The following OTOG variants were observed in gnomAD, a reference collection of about 807,000 sequenced individuals.
OTOG encodes the protein otogelin.
Under a neutral mutation model 313.8 loss-of-function variants are expected in OTOG, and 296 were observed. That is an observed-to-expected ratio of 0.94 (90% CI 0.86 to 1.04). The LOEUF (loss-of-function observed/expected upper bound fraction) is 1.04, where lower values mean the gene tolerates loss of function less well. Among genes scored for constraint, OTOG ranks in the 50% least tolerant of loss-of-function variants. The probability of loss-of-function intolerance (pLI) is 0.00; values close to 1 mark genes in which losing one functional copy is unlikely to be tolerated. For synonymous variants in OTOG, 1,533 were observed against 1,554.9 expected, an observed-to-expected ratio of 0.99 and a Z score of 0.33; for missense variants, 3,948 against 3,840.1, an observed-to-expected ratio of 1.03 and a Z score of -0.74.
At chr11:17,582,582 T>C (rs1163465445) in intron 23 of OTOG, among the ~76,000 whole-genome samples, 1 of 152,230 alleles carries the variant, frequency 6.6e-6, no homozygotes, top group Non-Finnish European at 1.5e-5. Flanking sequence ...ATTTTACACG[T>C]CCAGTATATG....
At position 17,591,698 on chromosome 11, in the gene OTOG, C is replaced by T. The variant is rs531950138; in HGVS notation, c.3006+110C>T. On this transcript the variant is annotated intron_variant, in intron 25 of 55. Coordinates refer to ENST00000399397, the MANE Select transcript of OTOG (RefSeq NM_001292063.2). ...AATTGGGTGATCGGGGATCTAAGCC[C>T]TGAGGTGGGGCTATCTAGAGACTGG... 13 of 1,369,954 alleles carry T rather than the reference C, an allele frequency of 9.5e-6. No individual in the cohort carries two copies. In the Admixed American group the frequency reaches 2.5e-4, roughly 26 times the overall value. The allele number at this position is 1,369,954 out of a possible 1,614,324, so 84.9% of individuals were successfully genotyped here.
intron 32 of OTOG, among the ~76,000 whole-genome samples, chr11:17,605,307 T>C (rs1853354671): frequency 1.3e-5 from 2 of 152,194 alleles, no homozygotes; most frequent in African/African-American, 4.8e-5. Context: ...CCTTTCTCTC[T>C]CTCTCTGGGA....
At chr11:17,613,746 G>T in intron 39 of OTOG, 45 bp downstream of exon 39, 1 of 1,507,960 alleles carries the variant, frequency 6.6e-7, no homozygotes, top group Non-Finnish European at 9.0e-7. Context: ...GCCACAGTCA[G>T]CTGAGGGACA....
In OTOG at chr11:17,634,959, C is replaced by T. The variant is rs369343034; in HGVS notation, c.7585+11C>T. 2.7e-4 allele frequency: 129 copies of T among 483,324 alleles called. No individual in the cohort carries two copies. In the East Asian group the frequency reaches 5.7e-3, roughly 21 times the overall value. 29.9% of individuals were successfully genotyped at this position (483,324 alleles called of 1,614,324 possible). A position where few individuals can be genotyped will look rare whatever the true frequency, so the allele number is the denominator to read the frequency against. ...CCAGCTACAGCTGTGGTGAGAGGCCCGGGGTGGGGAGGGTGGGGGACGGAC... is the reference window on the plus strand; with the variant it reads ...CCAGCTACAGCTGTGGTGAGAGGCCTGGGGTGGGGAGGGTGGGGGACGGAC... On this transcript the variant is annotated intron_variant, in intron 45 of 55. Transcript: ENST00000399397.
Position 17,559,626 on chromosome 11 carries a change from G to A in OTOG, c.1306G>A (p.Glu436Lys), listed in dbSNP as rs1852135025. The stretch of plus-strand genomic sequence containing the variant: ...TCCCCGGGCATCCTGTGTGGACAGT[G>A]AGATCGCCTGTGTGGACGGCTGCTA... Reference protein sequence around the residue: ...CHPRASCVDSEIACVDGCYCP... With the variant: ...CHPRASCVDSKIACVDGCYCP... Residue 436 changes from glutamate to lysine, a missense_variant, in exon 12 of 56, where the codon GAG (glutamate) becomes AAG (lysine). Transcript: ENST00000399397. 6.4e-7 allele frequency: 1 copy of A among 1,550,790 alleles called. No individual in the cohort carries two copies. Among genetic ancestry groups the A allele is most frequent in the Admixed American group, 2.0e-5 (1 of 50,988 alleles).
intron 3 of OTOG, among the ~76,000 whole-genome samples, chr11:17,550,173 G>A (rs966437375): frequency 6.6e-6 from 1 of 152,212 alleles, no homozygotes; most frequent in East Asian, 1.9e-4. Context: ...AGACATGACA[G>A]ATATTTTCCT....
At chr11:17,594,746 A>G (rs1853049647) in intron 28 of OTOG, among the ~76,000 whole-genome samples, 1 of 152,176 alleles carries the variant, frequency 6.6e-6, no homozygotes, top group Non-Finnish European at 1.5e-5. Flanking sequence ...CTGAGTTGAG[A>G]GCAGTAGACC....
At chr11:17,558,944 G>A (rs1852115710) in intron 10 of OTOG, 108 bp from the exon 11 acceptor site, 3 of 906,796 alleles carry the variant, frequency 3.3e-6, no homozygotes, top group African/African-American at 1.6e-5. Flanking sequence ...TTTCCCAGCT[G>A]GGTGGAGAGG....
chr11:17,645,593 G>GTGACCATCCGCA lies in OTOG; in HGVS notation c.8504_8515dup (p.Met2835_Arg2838dup). The GTGACCATCCGCA allele has an allele frequency of 1.3e-6, 2 of 1,550,660 alleles. No individual in the cohort carries two copies. Among genetic ancestry groups the GTGACCATCCGCA allele is most frequent in the Non-Finnish European group, 1.7e-6 (2 of 1,147,008 alleles). ...GGAGGATGGGCGCTCCTGCAAGAAG[G>GTGACCATCCGCA]TGACCATCCGCATGACCATCCGCAA... On this transcript the variant is annotated inframe_insertion, in exon 55 of 56. Coordinates refer to ENST00000399397, the MANE Select transcript of OTOG (RefSeq NM_001292063.2).
At chr11:17,559,831 G>GA (rs1184485238) in intron 12 of OTOG, among the ~76,000 whole-genome samples, 169 bp downstream of exon 12, 3 of 148,586 alleles carry the variant, frequency 2.0e-5, no homozygotes, top group African/African-American at 7.5e-5. Context: ...AAGAAGGAAG[G>GA]AGGAAGGAAA....
chr11:17,614,357 A>G (rs1014118756), intron 39 of OTOG, among the ~76,000 whole-genome samples: 1 of 152,200 alleles, frequency 6.6e-6, no homozygotes, highest in Non-Finnish European at 1.5e-5. Context: ...GGGGTTTCGG[A>G]CAGTAGGTTT....
At chr11:17,630,132 C>T (rs1339563838) in intron 40 of OTOG, among the ~76,000 whole-genome samples, 1 of 152,146 alleles carries the variant, frequency 6.6e-6, no homozygotes, top group African/African-American at 2.4e-5. Context: ...TTCCTTTGTG[C>T]AACACATATT....
At chr11:17,600,893 T>A (rs1019998841) in intron 31 of OTOG, among the ~76,000 whole-genome samples, 6 of 148,936 alleles carry the variant, frequency 4.0e-5, no homozygotes, top group Admixed American at 3.3e-4. Flanking sequence ...TCCGTTCTAC[T>A]AGCATTTGCT....
intron 3 of OTOG, among the ~76,000 whole-genome samples, chr11:17,550,839 A>G (rs557530886): frequency 1.3e-5 from 2 of 152,372 alleles, no homozygotes; most frequent in African/African-American, 4.8e-5. Flanking sequence ...GGGCCAAAGT[A>G]GGTGAGGACA....
At chr11:17,642,972 G>C (rs2133723924) in intron 53 of OTOG, among the ~76,000 whole-genome samples, 1 of 152,264 alleles carries the variant, frequency 6.6e-6, no homozygotes, top group Non-Finnish European at 1.5e-5. Flanking sequence ...ACAAAGAACT[G>C]TCCCATCCAT....
rs150344017 is a variant in OTOG, at chr11:17,643,639, G to A, written c.8461+133G>A. ...GCTCTTCTGGGCTGAGTAGATGAAG[G>A]GATAACACCCACACCACAGGGCTCA... On this transcript the variant is annotated intron_variant, in intron 54 of 55. Transcript: ENST00000399397. 4.4e-4 allele frequency: 250 copies of A among 566,014 alleles called. 3 individuals are homozygous for A. The African/African-American group carries it at 4.5e-3, about 10-fold the overall frequency. 35.1% of individuals were successfully genotyped at this position (566,014 alleles called of 1,614,324 possible). A position where few individuals can be genotyped will look rare whatever the true frequency, so the allele number is the denominator to read the frequency against.
intron 39 of OTOG, among the ~76,000 whole-genome samples, chr11:17,627,828 T>C (rs1854023729): frequency 6.6e-6 from 1 of 152,182 alleles, no homozygotes; most frequent in Non-Finnish European, 1.5e-5. Flanking sequence ...TGTCTAGGAA[T>C]TTATCCATTT....
At chr11:17,605,027 C>T (rs1853348097) in intron 32 of OTOG, among the ~76,000 whole-genome samples, 1 of 152,218 alleles carries the variant, frequency 6.6e-6, no homozygotes, top group South Asian at 2.1e-4. Flanking sequence ...CCAGGCTGTG[C>T]CAGGCGCTTC....
intron 18 of OTOG, among the ~76,000 whole-genome samples, chr11:17,572,673 G>C (rs1019915827): frequency 6.6e-6 from 1 of 152,178 alleles, no homozygotes; most frequent in Non-Finnish European, 1.5e-5. Flanking sequence ...ACTTCTTTCA[G>C]ATTTGTGCTC....
Sources: allele counts gnomAD v4.1 joint callset (sites outside exome capture counted in the v4.1 genomes callset), GRCh38; gene constraint gnomAD v4.1.1; transcripts MANE v1.5; gene names NCBI Gene and HGNC (gene_info 2026-07-23, HGNC 2026-07-21).